PTGER3: variants seen among roughly 807,000 people sequenced by gnomAD.
PTGER3 encodes prostaglandin E receptor 3.
Under a neutral mutation model 34.7 loss-of-function variants are expected in PTGER3, and 22 were observed. The observed-to-expected ratio is 0.63, with a 90% CI of 0.45 to 0.91. PTGER3 has a LOEUF of 0.91. Among genes scored for constraint, PTGER3 ranks in the 40% least tolerant of loss-of-function variants. The probability of loss-of-function intolerance (pLI) is 0.00; values close to 1 mark genes in which losing one functional copy is unlikely to be tolerated. For missense variants in PTGER3, 468 were observed against 519.4 expected (o/e 0.90, Z 0.96); for synonymous variants, 241 against 230.1 (o/e 1.05, Z -0.43).
chr1:70,965,950 G>A (rs1259368160), downstream of PTGER3, among the ~76,000 whole-genome samples: 2 of 152,080 alleles, frequency 1.3e-5, no homozygotes, highest in Non-Finnish European at 2.9e-5. Flanking sequence ...TAATTCCAAT[G>A]CATCTAAAGA....
rs189906344 is a variant in PTGER3 at position 70,990,313 on chromosome 1, C to T, written c.1078-15925G>A. 1.2e-3 allele frequency among the ~76,000 whole-genome samples: 174 copies of T among 148,298 alleles called. 1 individual carries two copies. Among genetic ancestry groups the T allele is most frequent in the African/African-American group, 3.9e-3 (157 of 40,472 alleles). Reference sequence around the variant, plus strand: ...CGGAGCTTGCAGTGAGCTGAGATTGCGCCACTGCACTCCAGCCTGGGCGAC... The same window carrying T: ...CGGAGCTTGCAGTGAGCTGAGATTGTGCCACTGCACTCCAGCCTGGGCGAC... On this transcript the variant is annotated intron_variant, in intron 2 of 3. Transcript: ENST00000306666.
downstream of PTGER3, among the ~76,000 whole-genome samples, chr1:70,966,293 G>A (rs1652505210): frequency 6.6e-6 from 1 of 151,982 alleles, no homozygotes; most frequent in Non-Finnish European, 1.5e-5. Context: ...TTATTTCAGT[G>A]TATACTGCTC....
chr1:70,978,980 A>G (rs1006143079), intron 2 of PTGER3, among the ~76,000 whole-genome samples: 9 of 152,132 alleles, frequency 5.9e-5, no homozygotes, highest in African/African-American at 2.2e-4. Flanking sequence ...TAGGCCCAAT[A>G]ATAGATTTGT....
intron 1 of PTGER3, among the ~76,000 whole-genome samples, chr1:71,044,431 CAG>C (rs761036611): frequency 5.0e-4 from 67 of 133,652 alleles, no homozygotes; most frequent in Non-Finnish European, 9.0e-4. Context: ...TTTTTTGAGA[CAG>C]AGTCTCAAAA....
chr1:70,937,722 GTTTC>G (rs1557668957), intron 4 of PTGER3, among the ~76,000 whole-genome samples: 1 of 151,962 alleles, frequency 6.6e-6, no homozygotes, highest in Non-Finnish European at 1.5e-5. Context: ...AAAACATACT[GTTTC>G]TTTATCATCT....
At chr1:70,885,345 G>C (rs938066620) in intron 4 of PTGER3, among the ~76,000 whole-genome samples, 1 of 151,876 alleles carries the variant, frequency 6.6e-6, no homozygotes, top group South Asian at 2.1e-4. Flanking sequence ...TATTCATTAA[G>C]CTTTTCTTTT....
At chr1:70,915,870 A>G (rs1647164288) in intron 4 of PTGER3, among the ~76,000 whole-genome samples, 1 of 151,948 alleles carries the variant, frequency 6.6e-6, no homozygotes, top group Non-Finnish European at 1.5e-5. Flanking sequence ...AATTGCAACG[A>G]AAACAAAAAC....
intron 2 of PTGER3, among the ~76,000 whole-genome samples, chr1:70,974,668 C>T (rs1217364584): frequency 6.6e-6 from 1 of 152,070 alleles, no homozygotes; most frequent in Non-Finnish European, 1.5e-5. Flanking sequence ...ACTCATTGAC[C>T]TCAAGTGATT....
At chr1:70,957,021 T>C (rs1038977045) in intron 2 of PTGER3, among the ~76,000 whole-genome samples, 12 of 152,132 alleles carry the variant, frequency 7.9e-5, no homozygotes, top group Non-Finnish European at 4.4e-5. Context: ...GAAGTAAAGC[T>C]GTTTGTTATA....
chr1:71,043,825 G>GT (rs1176358210), intron 1 of PTGER3, among the ~76,000 whole-genome samples: 70 of 140,854 alleles, frequency 5.0e-4, no homozygotes, highest in Admixed American at 1.3e-3. Flanking sequence ...TTTGTTTTTT[G>GT]TTTTTTTTTT....
intron 4 of PTGER3, among the ~76,000 whole-genome samples, chr1:70,928,666 G>A (rs79406116): frequency 8.5e-5 from 13 of 152,090 alleles, no homozygotes; most frequent in South Asian, 2.1e-4. Context: ...AAGGATATGC[G>A]CAAGAGACTT....
At chr1:70,914,642 G>T (rs1202822590) in intron 4 of PTGER3, among the ~76,000 whole-genome samples, 1 of 151,808 alleles carries the variant, frequency 6.6e-6, no homozygotes. Flanking sequence ...TGGGCCTCCT[G>T]ATCCAAATTA....
intron 4 of PTGER3, among the ~76,000 whole-genome samples, chr1:70,883,062 C>T (rs760219683): frequency 5.9e-5 from 9 of 152,184 alleles, no homozygotes; most frequent in Non-Finnish European, 8.8e-5. Flanking sequence ...TCAATCCTTA[C>T]AGCAACCCTA....
intron 1 of PTGER3, among the ~76,000 whole-genome samples, chr1:71,023,831 T>G (rs762028078): frequency 1.8e-4 from 28 of 151,718 alleles, no homozygotes; most frequent in Non-Finnish European, 3.4e-4. Flanking sequence ...TTATGGTTTT[T>G]TTTTTAATCT....
At chr1:71,023,658 T>G (rs781337773) in intron 1 of PTGER3, among the ~76,000 whole-genome samples, 44 of 151,888 alleles carry the variant, frequency 2.9e-4, no homozygotes, top group Non-Finnish European at 5.4e-4. Context: ...ACATTAATCT[T>G]CCCTATCACA....
chr1:70,922,182 A>G (rs1647594550), intron 4 of PTGER3, among the ~76,000 whole-genome samples: 1 of 152,168 alleles, frequency 6.6e-6, no homozygotes, highest in African/African-American at 2.4e-5. Flanking sequence ...GCCTGGGGAC[A>G]TGTGAAATAA....
chr1:70,885,485 T>G (rs1467839989), intron 4 of PTGER3, among the ~76,000 whole-genome samples: 1 of 152,108 alleles, frequency 6.6e-6, no homozygotes. Context: ...TGCAAAAAAT[T>G]TTGCATACAA....
At chr1:70,980,056 G>A (rs185411246) in intron 2 of PTGER3, among the ~76,000 whole-genome samples, 182 of 152,108 alleles carry the variant, frequency 1.2e-3, no homozygotes, top group Admixed American at 2.0e-3. Context: ...GGGAGTTGAG[G>A]TTTCATAAGG....
chr1:70,983,505 C>T (rs930634453), intron 2 of PTGER3, among the ~76,000 whole-genome samples: 2 of 152,264 alleles, frequency 1.3e-5, no homozygotes, highest in African/African-American at 2.4e-5. Context: ...CAACAAGACT[C>T]AAGCTCTTTG....
Sources: allele counts gnomAD v4.1 joint callset (sites outside exome capture counted in the v4.1 genomes callset), GRCh38; gene constraint gnomAD v4.1.1; transcripts MANE v1.5; gene names NCBI Gene and HGNC (gene_info 2026-07-23, HGNC 2026-07-21).